HOXA3: variants seen among roughly 807,000 people sequenced by gnomAD.
The protein encoded by HOXA3 is homeobox A3.
HOXA3 carries 8 observed loss-of-function variants against 30.3 expected under a neutral mutation model. The observed-to-expected ratio is 0.26, with a 90% CI of 0.15 to 0.48. The LOEUF (loss-of-function observed/expected upper bound fraction) is 0.48, where lower values mean the gene tolerates loss of function less well. Ranked by LOEUF, HOXA3 falls within the 20% of genes least tolerant of loss-of-function variation. HOXA3 has a pLI of 0.99. For synonymous variants in HOXA3, 323 were observed against 273.1 expected, an observed-to-expected ratio of 1.18 and a Z score of -1.80; for missense variants, 653 against 614.4, an observed-to-expected ratio of 1.06 and a Z score of -0.66.
intron 2 of HOXA3, chr7:27,129,955 G>A: frequency 1.3e-6 from 1 of 750,708 alleles, no homozygotes; most frequent in Non-Finnish European, 2.1e-6. Flanking sequence ...GGGATCAGGC[G>A]GCTGGCTGGC....
chr7:27,114,189 C>G (rs1004236082), intron 4 of HOXA3, among the ~76,000 whole-genome samples: 12 of 151,924 alleles, frequency 7.9e-5, no homozygotes, highest in Admixed American at 2.6e-4. Flanking sequence ...AGCCTCCCCC[C>G]ACCCCCCAAC....
chr7:27,125,936 G>A (rs1183715769), intron 3 of HOXA3, among the ~76,000 whole-genome samples: 1 of 152,162 alleles, frequency 6.6e-6, no homozygotes, highest in Non-Finnish European at 1.5e-5. Context: ...TAGGGAGGAG[G>A]CTGAGATATA....
At chr7:27,114,827 A>T (rs866709305) in intron 4 of HOXA3, among the ~76,000 whole-genome samples, 14 of 98,486 alleles carry the variant, frequency 1.4e-4, no homozygotes, top group Admixed American at 3.8e-4. Context: ...ATATATATAT[A>T]ATATATATTA....
At chr7:27,139,730 G>A (rs556739505) in intron 2 of HOXA3, among the ~76,000 whole-genome samples, 1 of 152,294 alleles carries the variant, frequency 6.6e-6, no homozygotes, top group South Asian at 2.1e-4. Flanking sequence ...CCCAGCAATT[G>A]CGCGGGGGAC....
chr7:27,137,591 A>G (rs1189971358), intron 2 of HOXA3, among the ~76,000 whole-genome samples: 3 of 152,208 alleles, frequency 2.0e-5, no homozygotes, highest in Admixed American at 1.3e-4. Context: ...CATCCTCTTT[A>G]TTATGCTTCC....
chr7:27,141,020 C>G lies in HOXA3; in HGVS notation c.-493-834G>C, dbSNP rs1277705367. The G allele has an allele frequency of 2.6e-5, 4 of 151,000 alleles. No individual in the cohort carries two copies. In the East Asian group the frequency reaches 7.8e-4, roughly 29 times the overall value. 9.4% of individuals were successfully genotyped at this position (151,000 alleles called of 1,614,324 possible). On this transcript the variant is annotated intron_variant, in intron 1 of 5. Transcript: ENST00000612286. ...CAGACAGACAGAAAAGCAGACAGAG[C>G]CGCTCACTATTTGGCACAAACCAGA...
chr7:27,130,432 G>A lies in HOXA3; in HGVS notation c.-389-3362C>T, dbSNP rs1785487663. 8.4e-7 allele frequency: 1 copy of A among 1,196,170 alleles called. No individual in the cohort carries two copies. Among genetic ancestry groups the A allele is most frequent in the Non-Finnish European group, 1.0e-6 (1 of 966,752 alleles). The allele number at this position is 1,196,170 out of a possible 1,614,324, so 74.1% of individuals were successfully genotyped here. A position where few individuals can be genotyped will look rare whatever the true frequency, so the allele number is the denominator to read the frequency against. On this transcript the variant is annotated intron_variant, in intron 2 of 5. Coordinates refer to ENST00000612286, the MANE Select transcript of HOXA3 (RefSeq NM_153631.3). ...GCTGGCGCCGCCGCGGTAGCCATAG[G>A]GGTAGGCGGTGTCCGCGGCCCCATG...
At chr7:27,116,927 T>C (rs1784756175) in intron 4 of HOXA3, among the ~76,000 whole-genome samples, 1 of 152,168 alleles carries the variant, frequency 6.6e-6, no homozygotes, top group Non-Finnish European at 1.5e-5. Context: ...CCCACTCAAG[T>C]AGGGGATGCC....
At chr7:27,130,163 C>T in intron 2 of HOXA3, 2 of 1,601,062 alleles carry the variant, frequency 1.2e-6, no homozygotes, top group Non-Finnish European at 8.5e-7. Context: ...ACCACGGGCT[C>T]CTTGCCCTTC....
At chr7:27,146,125 G>A (rs1040867486) in intron 1 of HOXA3, among the ~76,000 whole-genome samples, 4 of 152,158 alleles carry the variant, frequency 2.6e-5, no homozygotes, top group Non-Finnish European at 5.9e-5. Flanking sequence ...ACTTGGGGTG[G>A]ACATTATCGT....
intron 1 of HOXA3, chr7:27,150,203 G>A (rs1782922139): frequency 6.6e-6 from 1 of 151,982 alleles, no homozygotes; most frequent in African/African-American, 2.4e-5. Flanking sequence ...ATTCCGGCAA[G>A]AATAGGCACC....
intron 1 of HOXA3, chr7:27,145,446 GGTTTTGTTTTGTTTT>G (rs142508258): frequency 0.05 from 16,685 of 330,840 alleles, 1,138 homozygotes; most frequent in African/African-American, 0.21. Context: ...CTGTGTGTGA[GGTTTTGTTTTGTTTT>G]GTTTTGTTTT....
intron 1 of HOXA3, chr7:27,143,230 G>T (rs2128060682): frequency 6.2e-7 from 1 of 1,609,416 alleles, no homozygotes. Flanking sequence ...CCGAGGCGCC[G>T]CTGGAGTTGC....
Position 27,107,931 on chromosome 7 carries a change from T to C in HOXA3, c.1316A>G (p.Lys439Arg). 1 of 1,579,912 alleles carries C rather than the reference T, an allele frequency of 6.3e-7. No homozygotes were observed. Among genetic ancestry groups the C allele is most frequent in the Non-Finnish European group, 8.7e-7 (1 of 1,155,856 alleles). The change falls in exon 6 of 6, where the codon AAG (lysine) becomes AGG (arginine). Residue 439 changes from lysine to arginine, a missense_variant. Physicochemically the swap from Lys to Arg is conservative, Grantham distance 26. Transcript: ENST00000612286. Reference sequence around the variant, plus strand: ...AGCCCACTATCACAGGTGGGTGAGCTTGGGTGCTTCCTGAATTCTTCCCTG... The same window carrying C: ...AGCCCACTATCACAGGTGGGTGAGCCTGGGTGCTTCCTGAATTCTTCCCTG... ...PSQGRIQEAP[K>R]LTHL
chr7:27,129,229 A>G lies in HOXA3; in HGVS notation c.-389-2159T>C, dbSNP rs147923565. The G allele has an allele frequency of 4.6e-5, 66 of 1,432,636 alleles. No individual in the cohort carries two copies. In the South Asian group the frequency reaches 6.7e-4, roughly 14 times the overall value. The allele number at this position is 1,432,636 out of a possible 1,614,324, so 88.7% of individuals were successfully genotyped here. Reference sequence around the variant, plus strand: ...CTGGTTAAGATCTCTAGAAGATTATATGGAGGAGGGAACGGGTGTGGAGGT... The same window carrying G: ...CTGGTTAAGATCTCTAGAAGATTATGTGGAGGAGGGAACGGGTGTGGAGGT... On this transcript the variant is annotated intron_variant, in intron 2 of 5. Transcript: ENST00000612286.
chr7:27,142,378 G>A (rs1782602065), intron 1 of HOXA3, among the ~76,000 whole-genome samples: 1 of 152,118 alleles, frequency 6.6e-6, no homozygotes, highest in Non-Finnish European at 1.5e-5. Flanking sequence ...GCCCCGATCG[G>A]GAGGCACAGC....
Position 27,108,450 on chromosome 7 carries a change from C to T in HOXA3, c.797G>A (p.Arg266His), listed in dbSNP as rs745318781. The T allele has an allele frequency of 2.5e-6, 4 of 1,614,016 alleles. No homozygotes were observed. Among genetic ancestry groups the T allele is most frequent in the Middle Eastern group, 3.3e-4 (2 of 6,062 alleles). Residue 266 changes from arginine to histidine, a missense_variant, in exon 6 of 6, where the codon CGC becomes CAC. This residue lies in a region of HOXA3 where 330 missense variants were observed against 274.4 expected (regional missense o/e 1.20). Coordinates refer to ENST00000612286, the MANE Select transcript of HOXA3 (RefSeq NM_153631.3). This position sits in a 1 kb window ranked among gnomAD's most constrained non-coding sequence, Gnocchi z 5.0. The stretch of plus-strand genomic sequence containing the variant: ...ACCGGCTCCGGGGGGCACGGGGCTG[C>T]GACTTGGAGACTGGCCCCCCGATGA... ...LTSSGGQSPS[R>H]SPVPPGAGGY...
At chr7:27,139,196 C>G (rs1199221309) in intron 2 of HOXA3, among the ~76,000 whole-genome samples, 2 of 152,222 alleles carry the variant, frequency 1.3e-5, no homozygotes, top group Non-Finnish European at 2.9e-5. Context: ...GATTCAAAGA[C>G]TAAAGTTAAA....
At chr7:27,138,590 C>T (rs1371217247) in intron 2 of HOXA3, among the ~76,000 whole-genome samples, 1 of 152,104 alleles carries the variant, frequency 6.6e-6, no homozygotes, top group Non-Finnish European at 1.5e-5. Context: ...TTGTGGGTAC[C>T]CATCCAGAAA....
Sources: allele counts gnomAD v4.1 joint callset (sites outside exome capture counted in the v4.1 genomes callset), GRCh38; gene constraint gnomAD v4.1.1; regional missense constraint gnomAD v4.1.1; non-coding constraint Gnocchi (gnomAD v3.1); transcripts MANE v1.5; gene names NCBI Gene and HGNC (gene_info 2026-07-23, HGNC 2026-07-21).